The following SPOCK1 variants were observed in gnomAD, a reference collection of about 807,000 sequenced individuals.
The protein encoded by SPOCK1 is testican-1.
In SPOCK1, 23 loss-of-function variants were observed where a neutral mutation model predicts 55.3. The observed-to-expected ratio is 0.42, with a 90% CI of 0.30 to 0.59. The LOEUF (loss-of-function observed/expected upper bound fraction) is 0.59, where lower values mean the gene tolerates loss of function less well. SPOCK1 is among the 20% of genes least tolerant of loss of function. The pLI, the probability that SPOCK1 is intolerant of heterozygous loss-of-function variation, is 0.22. For synonymous variants in SPOCK1, 226 were observed against 221.0 expected, an observed-to-expected ratio of 1.02 and a Z score of -0.20; for missense variants, 499 against 552.5, an observed-to-expected ratio of 0.90 and a Z score of 0.97.
chr5:137,445,318 A>G (rs984327509), intron 2 of SPOCK1, among the ~76,000 whole-genome samples: 9 of 152,220 alleles, frequency 5.9e-5, no homozygotes, highest in Non-Finnish European at 4.4e-5. Context: ...ACAAAATGCT[A>G]TTCACATTGC....
intron 3 of SPOCK1, among the ~76,000 whole-genome samples, chr5:137,231,053 T>A (rs550056822): frequency 5.7e-4 from 86 of 152,176 alleles, no homozygotes; most frequent in African/African-American, 2.0e-3. Flanking sequence ...ACCCCCTTTT[T>A]TTTTTTTGAG....
At position 137,435,125 on chromosome 5, in the gene SPOCK1, A is replaced by G. The variant is rs866378837; in HGVS notation, c.186+63248T>C. On this transcript the variant is annotated intron_variant, in intron 2 of 10. Coordinates refer to ENST00000394945, the MANE Select transcript of SPOCK1 (RefSeq NM_004598.4). ...CTTACATCTTGTTCTACCATTAAAC[A>G]TGATATCAAGTACATTTAATTTCTT... Among the ~76,000 whole-genome samples the G allele has an allele frequency of 2.6e-5, 4 of 152,358 alleles. No individual in the cohort carries two copies. The Middle Eastern group carries it at 0.014, about 518-fold the overall frequency.
intron 9 of SPOCK1, among the ~76,000 whole-genome samples, chr5:136,983,619 CA>C (rs11364379): frequency 0.39 from 52,595 of 135,390 alleles, 11,207 homozygotes; most frequent in African/African-American, 0.61. Context: ...CTCCTTGGAC[CA>C]AAAAAAAAAA....
chr5:136,980,196 A>T (rs2126957045), intron 9 of SPOCK1, among the ~76,000 whole-genome samples: 1 of 152,160 alleles, frequency 6.6e-6, no homozygotes, highest in East Asian at 1.9e-4. Flanking sequence ...AAAAAAAAAA[A>T]AAGTGATAAA....
In SPOCK1 at chr5:137,279,829, G is replaced by C. The variant is rs561361233; in HGVS notation, c.187-12774C>G. On this transcript the variant is annotated intron_variant, in intron 2 of 10. Coordinates refer to ENST00000394945, the MANE Select transcript of SPOCK1 (RefSeq NM_004598.4). ...CCTGGCCCTTCCAATCCAGCAGCAA[G>C]TTTTGCCATGCCACCTGTTATGGAC... Among the ~76,000 whole-genome samples the C allele has an allele frequency of 6.6e-5, 10 of 152,332 alleles. No individual in the cohort carries two copies. In the South Asian group the frequency reaches 2.1e-3, roughly 32 times the overall value.
chr5:137,005,332 T>A (rs890547122), intron 6 of SPOCK1, among the ~76,000 whole-genome samples: 9 of 149,080 alleles, frequency 6.0e-5, no homozygotes, highest in Admixed American at 2.0e-4. Context: ...CTTTTTTTTT[T>A]AAAGGGGCTG....
intron 7 of SPOCK1, among the ~76,000 whole-genome samples, chr5:136,990,439 A>AT (rs1053016009): frequency 2.0e-5 from 3 of 151,894 alleles, no homozygotes; most frequent in African/African-American, 7.3e-5. Context: ...AAAAAAAAAA[A>AT]ATGTTGGGAG....
intron 2 of SPOCK1, among the ~76,000 whole-genome samples, chr5:137,370,932 CCTGAGA>C (rs1751188538): frequency 6.6e-6 from 1 of 152,222 alleles, no homozygotes; most frequent in African/African-American, 2.4e-5. Flanking sequence ...AAAGGGACAG[CCTGAGA>C]CCAGGGCTGT....
chr5:136,983,496 C>A (rs1168097215), intron 9 of SPOCK1, among the ~76,000 whole-genome samples: 1 of 151,794 alleles, frequency 6.6e-6, no homozygotes, highest in African/African-American at 2.4e-5. Flanking sequence ...TTTCAAAGAA[C>A]AGTAGATAGA....
intron 2 of SPOCK1, among the ~76,000 whole-genome samples, chr5:137,398,170 C>G (rs1385504236): frequency 6.6e-6 from 1 of 152,064 alleles, no homozygotes; most frequent in African/African-American, 2.4e-5. Context: ...GCCAGCCTGC[C>G]TGCCATTTCT....
chr5:137,148,797 A>G (rs753802352), intron 3 of SPOCK1, among the ~76,000 whole-genome samples: 22 of 152,240 alleles, frequency 1.4e-4, no homozygotes, highest in Admixed American at 5.9e-4. Flanking sequence ...TCACACAGCC[A>G]GTGAGCCTGG....
Position 137,351,268 on chromosome 5 carries a change from T to C in SPOCK1, c.187-84213A>G, listed in dbSNP as rs1266844943. ...AGAGCTCAGGCACATCCGCTGACAA[T>C]GCCACTCACTGGCTGTGTGCAGCTG... On this transcript the variant is annotated intron_variant, in intron 2 of 10. Transcript: ENST00000394945. Among the ~76,000 whole-genome samples the C allele has an allele frequency of 2.0e-5, 3 of 152,336 alleles. No homozygotes were observed. The East Asian group carries it at 5.8e-4, about 29-fold the overall frequency.
At chr5:137,312,714 G>A (rs1000372870) in intron 2 of SPOCK1, among the ~76,000 whole-genome samples, 3 of 152,158 alleles carry the variant, frequency 2.0e-5, no homozygotes, top group Non-Finnish European at 4.4e-5. Context: ...AGTGGATAGG[G>A]TACAGTGGAC....
intron 5 of SPOCK1, among the ~76,000 whole-genome samples, chr5:137,103,363 C>A (rs1374127899): frequency 3.9e-5 from 6 of 152,228 alleles, no homozygotes; most frequent in African/African-American, 1.4e-4. Context: ...CATTCCCCAG[C>A]CTCCCTTGAA....
intron 3 of SPOCK1, among the ~76,000 whole-genome samples, chr5:137,150,861 T>C (rs1377779302): frequency 1.3e-5 from 2 of 152,082 alleles, no homozygotes; most frequent in Admixed American, 6.6e-5. Context: ...GATGAAGAGG[T>C]CACTTCTGCA....
intron 4 of SPOCK1, among the ~76,000 whole-genome samples, chr5:137,131,967 G>C (rs1418390680): frequency 3.6e-5 from 1 of 27,770 alleles, no homozygotes; most frequent in Non-Finnish European, 5.7e-5. Flanking sequence ...GCGAGACTCC[G>C]TCTCAAAAAA....
At chr5:137,163,468 C>T (rs904643021) in intron 3 of SPOCK1, among the ~76,000 whole-genome samples, 7 of 152,126 alleles carry the variant, frequency 4.6e-5, no homozygotes, top group Non-Finnish European at 8.8e-5. Flanking sequence ...TCTAAAAATT[C>T]CATAGGTCAC....
At chr5:137,468,120 T>C (rs1753659870) in intron 2 of SPOCK1, among the ~76,000 whole-genome samples, 1 of 152,198 alleles carries the variant, frequency 6.6e-6, no homozygotes, top group Non-Finnish European at 1.5e-5. Context: ...AATGGATTGC[T>C]GCTAACCAAA....
chr5:137,124,892 C>G (rs1195886615), intron 4 of SPOCK1, among the ~76,000 whole-genome samples: 1 of 152,176 alleles, frequency 6.6e-6, no homozygotes, highest in Non-Finnish European at 1.5e-5. Flanking sequence ...GGGCAGGGTG[C>G]AGAGTCTAGT....
Sources: gnomAD v4.1 joint callset for allele counts (sites outside exome capture counted in the v4.1 genomes callset) on GRCh38, gnomAD v4.1.1 for gene constraint, MANE v1.5 for transcripts, NCBI Gene and HGNC (gene_info 2026-07-23, HGNC 2026-07-21) for gene names.